The following SLC9A4 variants were observed in gnomAD, a reference collection of about 807,000 sequenced individuals.
SLC9A4 encodes the protein solute carrier family 9 member A4, also known as sodium/hydrogen exchanger 4.
In SLC9A4, 63 loss-of-function variants were observed where a neutral mutation model predicts 67.4. That is an observed-to-expected ratio of 0.93 (90% CI 0.76 to 1.15). SLC9A4 has a LOEUF of 1.15. Ranked by LOEUF, SLC9A4 falls within the 50% of genes most tolerant of loss-of-function variation. SLC9A4 has a pLI of 0.00. For synonymous variants in SLC9A4, 393 were observed against 367.2 expected, an observed-to-expected ratio of 1.07 and a Z score of -0.80; for missense variants, 1,089 against 987.7, an observed-to-expected ratio of 1.10 and a Z score of -1.38.
intron 8 of SLC9A4, among the ~76,000 whole-genome samples, chr2:102,518,378 G>A (rs1685321857): frequency 6.6e-6 from 1 of 152,192 alleles, no homozygotes; most frequent in Non-Finnish European, 1.5e-5. Flanking sequence ...CCACATTAAA[G>A]GAATGTGTTC....
chr2:102,473,816 G>T lies in SLC9A4; in HGVS notation c.57G>T (p.Val19=). The part of the protein sequence containing the change: ...YSPWNCLLLL[V]ALECSEASSD... ...CTTGGAATTGTTTGCTACTGCTAGT[G>T]GCTCTTGAGTGTTCTGAAGCATCTT... The change falls in exon 1 of 12, where the codon GTG becomes GTT. Residue 19 remains valine (V), a synonymous_variant. Coordinates refer to ENST00000295269, the MANE Select transcript of SLC9A4 (RefSeq NM_001011552.4). 1 of 1,614,110 alleles carries T rather than the reference G, an allele frequency of 6.2e-7. No individual in the cohort carries two copies. The highest frequency in any genetic ancestry group is 8.5e-7 in the Non-Finnish European group (1 of 1,179,958).
intron 1 of SLC9A4, among the ~76,000 whole-genome samples, chr2:102,474,745 C>T (rs1412432120): frequency 6.6e-6 from 1 of 152,200 alleles, no homozygotes; most frequent in East Asian, 1.9e-4. Context: ...CTCCTTATCT[C>T]TTTAAAACCA....
At chr2:102,491,243 C>T (rs1248189534) in intron 2 of SLC9A4, among the ~76,000 whole-genome samples, 3 of 147,906 alleles carry the variant, frequency 2.0e-5, no homozygotes, top group Non-Finnish European at 4.5e-5. Flanking sequence ...ATCAGGGATG[C>T]ATTTGGTCGC....
At position 102,479,026 on chromosome 2, in the gene SLC9A4, C is replaced by T. The variant is rs780159923; in HGVS notation, c.444C>T (p.Thr148=). The change falls in exon 2 of 12, where the codon ACC becomes ACT. Residue 148 remains threonine, a synonymous_variant. Coordinates refer to ENST00000295269, the MANE Select transcript of SLC9A4 (RefSeq NM_001011552.4). ...IVLEGGYFMP[T]RPFFENIGSI... ...TGGAGGGCGGCTACTTCATGCCCAC[C>T]CGGCCCTTCTTTGAGAACATCGGCT... 4 of 1,614,164 alleles carry T rather than the reference C, an allele frequency of 2.5e-6. No homozygotes were observed. The highest frequency in any genetic ancestry group is 3.4e-6 in the Non-Finnish European group (4 of 1,180,044).
At chr2:102,528,878 T>C (rs557658860) in intron 11 of SLC9A4, among the ~76,000 whole-genome samples, 2 of 152,196 alleles carry the variant, frequency 1.3e-5, no homozygotes, top group African/African-American at 4.8e-5. Flanking sequence ...CAGGAAGAAA[T>C]AGACAGGATA....
chr2:102,495,483 A>T (rs189758346), intron 2 of SLC9A4, among the ~76,000 whole-genome samples: 44 of 152,188 alleles, frequency 2.9e-4, no homozygotes, highest in Non-Finnish European at 3.2e-4. Flanking sequence ...ATCCCAGAAA[A>T]CATTTTAGTA....
chr2:102,510,219 A>AGATATG (rs1323025177), intron 6 of SLC9A4, among the ~76,000 whole-genome samples: 151 of 137,830 alleles, frequency 1.1e-3, no homozygotes, highest in African/African-American at 3.8e-3. Flanking sequence ...ATATAGATAC[A>AGATATG]GATACGGATA....
chr2:102,491,566 C>G (rs552187892), intron 2 of SLC9A4, among the ~76,000 whole-genome samples: 1 of 151,932 alleles, frequency 6.6e-6, no homozygotes, highest in Non-Finnish European at 1.5e-5. Flanking sequence ...TTCATTATCA[C>G]GAGAACAGCA....
Position 102,479,105 on chromosome 2 carries a change from C to A in SLC9A4, c.523C>A (p.Leu175Ile), listed in dbSNP as rs779410874. 4 of 1,614,072 alleles carry A rather than the reference C, an allele frequency of 2.5e-6. No individual in the cohort carries two copies. The highest frequency in any genetic ancestry group is 3.4e-6 in the Non-Finnish European group (4 of 1,180,022). Residue 175 changes from leucine to isoleucine, a missense_variant, in exon 2 of 12, where the codon CTC (leucine) becomes ATC (isoleucine). Coordinates refer to ENST00000295269, the MANE Select transcript of SLC9A4 (RefSeq NM_001011552.4). ...GALINALGIGLSLYLICQVKA... is the reference protein window; with the variant it reads ...GALINALGIGISLYLICQVKA... ...CCTGATCAACGCCTTGGGCATTGGC[C>A]TCTCCCTCTACCTCATCTGCCAGGT... is the stretch of plus-strand genomic sequence containing the variant.
intron 10 of SLC9A4, among the ~76,000 whole-genome samples, chr2:102,525,865 G>A (rs148167992): frequency 0.01 from 1,524 of 152,148 alleles, 17 homozygotes; most frequent in South Asian, 0.052. Context: ...CACAGAACAG[G>A]TCTGTGTTCT....
At chr2:102,476,765 T>G (rs1684343089) in intron 1 of SLC9A4, among the ~76,000 whole-genome samples, 10 of 147,874 alleles carry the variant, frequency 6.8e-5, no homozygotes, top group South Asian at 2.2e-4. Flanking sequence ...AGGAAGAGAG[T>G]AAGAAGGAGC....
At chr2:102,527,126 A>C (rs1225387010) in intron 11 of SLC9A4, among the ~76,000 whole-genome samples, 1 of 152,188 alleles carries the variant, frequency 6.6e-6, no homozygotes, top group Non-Finnish European at 1.5e-5. Context: ...ATCATTCAGT[A>C]GAGAAAAGCA....
At chr2:102,498,663 T>G (rs1365585228) in intron 2 of SLC9A4, among the ~76,000 whole-genome samples, 2 of 152,206 alleles carry the variant, frequency 1.3e-5, no homozygotes, top group Admixed American at 1.3e-4. Flanking sequence ...GACCCATATG[T>G]GGCAGAAAGT....
Position 102,505,261 on chromosome 2 carries a change from G to T in SLC9A4, c.988G>T (p.Ala330Ser), listed in dbSNP as rs778152101. 1.9e-6 allele frequency: 3 copies of T among 1,613,838 alleles called. No homozygotes were observed. Among genetic ancestry groups the T allele is most frequent in the Non-Finnish European group, 2.5e-6 (3 of 1,179,894 alleles). Residue 330 changes from alanine to serine, a missense_variant, in exon 4 of 12, where the codon GCC becomes TCC. Coordinates refer to ENST00000295269, the MANE Select transcript of SLC9A4 (RefSeq NM_001011552.4). ...ACTCTGCTCCTTTTATAGAATCACA[G>T]CCTGCGCAGTAACAATGAAAAAGTA... ...LYLSGILAIT[A>S]CAVTMKKYVE... is the part of the protein sequence containing the mutation.
At chr2:102,504,038 T>C (rs1343311138) in intron 3 of SLC9A4, among the ~76,000 whole-genome samples, 1 of 152,180 alleles carries the variant, frequency 6.6e-6, no homozygotes. Flanking sequence ...TGTGTTTTTT[T>C]CCTTGAAAAG....
At chr2:102,508,821 C>G (rs1456558508) in intron 5 of SLC9A4, 26 bp from the exon 6 acceptor site, 2 of 1,571,956 alleles carry the variant, frequency 1.3e-6, no homozygotes, top group Non-Finnish European at 8.7e-7. Flanking sequence ...ACAACAAAAC[C>G]CTTTGTTTTG....
chr2:102,512,056 A>G, intron 6 of SLC9A4, 147 bp from the exon 7 acceptor site: 1 of 754,758 alleles, frequency 1.3e-6, no homozygotes, highest in Non-Finnish European at 2.1e-6. Context: ...GGCACCAAAT[A>G]TTTTATTACA....
intron 10 of SLC9A4, 142 bp downstream of exon 10, chr2:102,525,297 TAAAGC>T: frequency 7.4e-7 from 1 of 1,356,984 alleles, no homozygotes; most frequent in Non-Finnish European, 1.0e-6. Flanking sequence ...TGAGAGATAC[TAAAGC>T]AAGAGTGCAG....
At chr2:102,521,908 GCA>G (rs1685428715) in intron 9 of SLC9A4, among the ~76,000 whole-genome samples, 1 of 152,170 alleles carries the variant, frequency 6.6e-6, no homozygotes, top group African/African-American at 2.4e-5. Context: ...CGACCCTAAT[GCA>G]CAGTTGATCC....
Sources: allele counts gnomAD v4.1 joint callset (sites outside exome capture counted in the v4.1 genomes callset), GRCh38; gene constraint gnomAD v4.1.1; transcripts MANE v1.5; gene names NCBI Gene and HGNC (gene_info 2026-07-23, HGNC 2026-07-21).